The following RABEP1 variants were observed in gnomAD, a reference collection of about 807,000 sequenced individuals.
RABEP1 encodes rab GTPase-binding effector protein 1.
RABEP1 carries 51 observed loss-of-function variants against 123.4 expected under a neutral mutation model. That is an observed-to-expected ratio of 0.41 (90% CI 0.33 to 0.52). The LOEUF (loss-of-function observed/expected upper bound fraction) is 0.52. Among genes scored for constraint, RABEP1 ranks in the 20% least tolerant of loss-of-function variants. The pLI is 0.16. For missense variants in RABEP1, 888 were observed against 996.3 expected (o/e 0.89, Z 1.46); for synonymous variants, 347 against 355.2 (o/e 0.98, Z 0.26).
At chr17:5,345,468 G>A (rs1380561597) in intron 5 of RABEP1, among the ~76,000 whole-genome samples, 1 of 152,118 alleles carries the variant, frequency 6.6e-6, no homozygotes, top group Admixed American at 6.5e-5. Flanking sequence ...CTGCTCAGTA[G>A]TTTTCAAATA....
chr17:5,364,721 A>AG (rs1465572044), intron 10 of RABEP1, among the ~76,000 whole-genome samples: 1 of 142,002 alleles, frequency 7.0e-6, no homozygotes, highest in Non-Finnish European at 1.6e-5. Flanking sequence ...AAAAAAAAAA[A>AG]AAAAAAAATT....
At chr17:5,317,626 G>GAT (rs56165368) in intron 2 of RABEP1, among the ~76,000 whole-genome samples, 466 of 149,586 alleles carry the variant, frequency 3.1e-3, no homozygotes, top group Middle Eastern at 0.017. Context: ...TACTGGAAAG[G>GAT]ATATATATAT....
chr17:5,343,857 G>A (rs941206502), intron 5 of RABEP1, among the ~76,000 whole-genome samples: 4 of 151,404 alleles, frequency 2.6e-5, no homozygotes, highest in Non-Finnish European at 5.9e-5. Flanking sequence ...TGTATTTTTA[G>A]TAGAGACGGG....
At chr17:5,356,109 G>A (rs1908990995) in intron 8 of RABEP1, among the ~76,000 whole-genome samples, 1 of 152,164 alleles carries the variant, frequency 6.6e-6, no homozygotes, top group African/African-American at 2.4e-5. Context: ...GAATATAATT[G>A]TTTTGTATTG....
At chr17:5,300,606 C>T (rs1346200759) in intron 1 of RABEP1, among the ~76,000 whole-genome samples, 1 of 152,098 alleles carries the variant, frequency 6.6e-6, no homozygotes, top group Non-Finnish European at 1.5e-5. Flanking sequence ...TGAAATCAGC[C>T]AGGTTGATCG....
At chr17:5,300,728 A>G (rs1470470188) in intron 1 of RABEP1, among the ~76,000 whole-genome samples, 1 of 152,170 alleles carries the variant, frequency 6.6e-6, no homozygotes, top group African/African-American at 2.4e-5. Context: ...CTTTAAGAGT[A>G]TGGTAGTGGG....
chr17:5,320,995 C>G (rs1039552886), intron 2 of RABEP1, among the ~76,000 whole-genome samples: 1 of 152,120 alleles, frequency 6.6e-6, no homozygotes, highest in Non-Finnish European at 1.5e-5. Context: ...GAAACAAGCC[C>G]CAACTATATA....
At chr17:5,303,150 TTAA>T (rs1365131057) in intron 1 of RABEP1, among the ~76,000 whole-genome samples, 11 of 152,214 alleles carry the variant, frequency 7.2e-5, no homozygotes, top group African/African-American at 2.7e-4. Flanking sequence ...ATGTATTTAC[TTAA>T]TATAACTTTT....
At chr17:5,313,912 A>G (rs1177066242) in intron 2 of RABEP1, among the ~76,000 whole-genome samples, 1 of 152,228 alleles carries the variant, frequency 6.6e-6, no homozygotes, top group African/African-American at 2.4e-5. Flanking sequence ...TCAAATGTGA[A>G]GATTTCCCCT....
At chr17:5,318,158 C>T (rs1007606990) in intron 2 of RABEP1, among the ~76,000 whole-genome samples, 6 of 152,088 alleles carry the variant, frequency 3.9e-5, no homozygotes, top group African/African-American at 7.2e-5. Context: ...GTAGGAACCT[C>T]GATTTATAGC....
chr17:5,377,209 C>G lies in RABEP1; in HGVS notation c.2119C>G (p.Leu707Val), dbSNP rs1911061705. The G allele has an allele frequency of 6.2e-7, 1 of 1,613,168 alleles. No homozygotes were observed. Among genetic ancestry groups the G allele is most frequent in the Non-Finnish European group, 8.5e-7 (1 of 1,179,790 alleles). ...HVEEKLKAEI[L>V]FLKEQIQAEQ... ...AGAAGAAAAGCTGAAGGCTGAGATACTTTTCCTAAAAGAGCAGATCCAAGC... is the reference window on the plus strand; with the variant it reads ...AGAAGAAAAGCTGAAGGCTGAGATAGTTTTCCTAAAAGAGCAGATCCAAGC... The change falls in exon 14 of 18, where the codon CTT (leucine) becomes GTT (valine). Residue 707 changes from leucine (L) to valine (V), a missense_variant. Physicochemically the swap from Leu to Val is conservative, Grantham distance 32. Coordinates refer to ENST00000537505, the MANE Select transcript of RABEP1 (RefSeq NM_004703.6).
chr17:5,365,382 C>A, intron 11 of RABEP1, 144 bp downstream of exon 11: 1 of 505,164 alleles, frequency 2.0e-6, no homozygotes, highest in East Asian at 3.4e-5. Flanking sequence ...TCTTACTGAT[C>A]ATTCTGTGAT....
intron 13 of RABEP1, among the ~76,000 whole-genome samples, chr17:5,373,978 G>T (rs1325411488): frequency 2.6e-5 from 4 of 152,064 alleles, no homozygotes; most frequent in African/African-American, 7.2e-5. Flanking sequence ...TGTTTGAAGG[G>T]GTTACCATGC....
intron 1 of RABEP1, among the ~76,000 whole-genome samples, chr17:5,303,156 T>C (rs2075150751): frequency 6.6e-6 from 1 of 152,208 alleles, no homozygotes; most frequent in Non-Finnish European, 1.5e-5. Context: ...TTACTTAATA[T>C]AACTTTTTCT....
chr17:5,314,320 G>A (rs2075274719), intron 2 of RABEP1, among the ~76,000 whole-genome samples: 1 of 122,342 alleles, frequency 8.2e-6, no homozygotes, highest in South Asian at 2.7e-4. Context: ...TTGGCTCACT[G>A]CAGCCTCCGC....
chr17:5,376,540 A>T (rs564474609), intron 13 of RABEP1, among the ~76,000 whole-genome samples: 6 of 152,338 alleles, frequency 3.9e-5, no homozygotes, highest in Non-Finnish European at 7.3e-5. Flanking sequence ...AAAATTTAGG[A>T]AGAAAAATAA....
chr17:5,323,043 C>A (rs1303221987), intron 2 of RABEP1, among the ~76,000 whole-genome samples: 1 of 152,116 alleles, frequency 6.6e-6, no homozygotes, highest in South Asian at 2.1e-4. Context: ...CCACTGCACT[C>A]CAGCCTGGGT....
intron 14 of RABEP1, among the ~76,000 whole-genome samples, chr17:5,377,827 A>G (rs1370253252): frequency 6.6e-6 from 1 of 152,178 alleles, no homozygotes; most frequent in Non-Finnish European, 1.5e-5. Context: ...CGCCTGGCCG[A>G]AAACTCGTCT....
chr17:5,354,602 C>A, intron 8 of RABEP1, 112 bp downstream of exon 8: 1 of 966,038 alleles, frequency 1.0e-6, no homozygotes. Flanking sequence ...TGCATAGCTA[C>A]GAGGTGAAAG....
Sources: allele counts gnomAD v4.1 joint callset (sites outside exome capture counted in the v4.1 genomes callset), GRCh38; gene constraint gnomAD v4.1.1; transcripts MANE v1.5; gene names NCBI Gene and HGNC (gene_info 2026-07-23, HGNC 2026-07-21).